COG2: variants seen among roughly 807,000 people sequenced by gnomAD.
COG2 encodes the protein component of oligomeric golgi complex 2, also known as conserved oligomeric Golgi complex subunit 2.
A neutral mutation model predicts 90.6 loss-of-function variants in COG2; 52 were observed. The ratio of observed to expected loss-of-function variants is 0.57; its 90% CI spans 0.46 to 0.72. The LOEUF is 0.72. Ranked by LOEUF, COG2 falls within the 30% of genes least tolerant of loss-of-function variation. COG2 has a pLI of 0.00. For synonymous variants in COG2, 337 were observed against 320.4 expected (o/e 1.05, Z -0.55); for missense variants, 829 against 891.2 (o/e 0.93, Z 0.89).
intron 10 of COG2, chr1:230,680,557 G>C (rs1245056190): frequency 2.0e-5 from 3 of 152,152 alleles, no homozygotes; most frequent in African/African-American, 7.2e-5. Context: ...GCTGGTAATT[G>C]GACCTTAAAC....
intron 15 of COG2, among the ~76,000 whole-genome samples, chr1:230,689,780 C>G (rs1362111785): frequency 1.3e-5 from 2 of 152,242 alleles, no homozygotes; most frequent in Non-Finnish European, 2.9e-5. Context: ...CAGCCAGCAC[C>G]TCAACCCAGT....
At chr1:230,644,091 T>A (rs1661696867) in intron 1 of COG2, among the ~76,000 whole-genome samples, 1 of 152,210 alleles carries the variant, frequency 6.6e-6, no homozygotes, top group Non-Finnish European at 1.5e-5. Flanking sequence ...CACTCTGAGT[T>A]GACAGAATGC....
rs376701328 is a variant in COG2, at chr1:230,642,570, G to A, written c.-37G>A. The A allele has an allele frequency of 1.1e-4, 171 of 1,598,174 alleles. No homozygotes were observed. Among genetic ancestry groups the A allele is most frequent in the Non-Finnish European group, 1.3e-4 (154 of 1,171,946 alleles). On this transcript the variant is annotated 5_prime_UTR_variant, in exon 1 of 18. Transcript: ENST00000366669. Reference sequence around the variant, plus strand: ...TCTGCGCAGCCTCCTGCGTTTTCTCGCTTGGATCTTGGCACTGAGAGGCGG... The same window carrying A: ...TCTGCGCAGCCTCCTGCGTTTTCTCACTTGGATCTTGGCACTGAGAGGCGG...
chr1:230,688,171 C>A (rs769416085), intron 14 of COG2, 28 bp downstream of exon 14: 9 of 1,449,750 alleles, frequency 6.2e-6, no homozygotes, highest in Non-Finnish European at 7.6e-6. Context: ...CTAAGCAAAT[C>A]TTTGAATAAG....
intron 1 of COG2, 160 bp downstream of exon 1, chr1:230,642,838 A>G (rs1029658972): frequency 3.0e-6 from 2 of 665,926 alleles, no homozygotes; most frequent in Admixed American, 3.2e-5. Flanking sequence ...TTTTGGCGTC[A>G]GGTTTGGCGG....
chr1:230,646,005 T>G (rs1661767207), intron 1 of COG2, among the ~76,000 whole-genome samples: 1 of 151,936 alleles, frequency 6.6e-6, no homozygotes, highest in Non-Finnish European at 1.5e-5. Context: ...GGGTCTTTCC[T>G]TCCTCCTGAG....
At position 230,677,088 on chromosome 1, in the gene COG2, T is replaced by C. The variant is rs180917637; in HGVS notation, c.1027-1825T>C. Among the ~76,000 whole-genome samples, 11 of 152,284 alleles carry C rather than the reference T, an allele frequency of 7.2e-5. No homozygotes were observed. In the East Asian group the frequency reaches 1.7e-3, roughly 24 times the overall value. On this transcript the variant is annotated intron_variant, in intron 9 of 17. Transcript: ENST00000366669. Reference sequence around the variant, plus strand: ...TATATATTATTTCTTCAATTGTGCTTTTCTTTCATTCCTCTATCATCTCCA... The same window carrying C: ...TATATATTATTTCTTCAATTGTGCTCTTCTTTCATTCCTCTATCATCTCCA...
chr1:230,690,155 T>A lies in COG2; in HGVS notation c.1934+2T>A. 6.2e-7 allele frequency: 1 copy of A among 1,611,042 alleles called. No homozygotes were observed. Among genetic ancestry groups the A allele is most frequent in the East Asian group, 2.2e-5 (1 of 44,830 alleles). ...CACTCTCAGTGAAAGCACTCATAAG[T>A]AAGTAAATTAAAAGCAGACCTTGTG... On this transcript the variant is annotated splice_donor_variant, in intron 16 of 17. Transcript: ENST00000366669. LOFTEE classifies it high-confidence loss of function.
At position 230,642,770 on chromosome 1, in the gene COG2, C is replaced by T. The variant is rs180900936; in HGVS notation, c.72+92C>T. 378 of 1,248,160 alleles carry T rather than the reference C, an allele frequency of 3.0e-4. 7 individuals are homozygous for T. The East Asian group carries it at 8.5e-3, about 28-fold the overall frequency. 77.3% of individuals were successfully genotyped at this position (1,248,160 alleles called of 1,614,324 possible). On this transcript the variant is annotated intron_variant, in intron 1 of 17. Transcript: ENST00000366669. ...GGTCTCTTCGGTCGGCTGCTCCTGC[C>T]TGCGCACGCTCAGTGTCAGGTCCTC...
intron 17 of COG2, among the ~76,000 whole-genome samples, chr1:230,692,679 C>A (rs936873648): frequency 6.6e-6 from 1 of 152,074 alleles, no homozygotes; most frequent in Non-Finnish European, 1.5e-5. Context: ...CCAGAACAAA[C>A]CACAAAATGC....
intron 15 of COG2, 113 bp from the exon 16 acceptor site, chr1:230,689,901 G>A: frequency 1.9e-6 from 2 of 1,068,770 alleles, no homozygotes; most frequent in Non-Finnish European, 2.6e-6. Flanking sequence ...AGTTGTCCGT[G>A]TCTCAAAACT....
intron 17 of COG2, 97 bp downstream of exon 17, chr1:230,691,661 C>T (rs905924296): frequency 1.3e-5 from 15 of 1,154,888 alleles, no homozygotes; most frequent in Middle Eastern, 3.0e-4. Context: ...GAGATGCTGT[C>T]GCAGTGGCTA....
At chr1:230,688,377 G>A in intron 14 of COG2, 43 bp from the exon 15 acceptor site, 1 of 1,608,388 alleles carries the variant, frequency 6.2e-7, no homozygotes, top group Non-Finnish European at 8.5e-7. Flanking sequence ...GTTCATGTCT[G>A]GGCCTGAGCA....
chr1:230,685,451 T>C (rs191734368), intron 12 of COG2, among the ~76,000 whole-genome samples: 180 of 152,318 alleles, frequency 1.2e-3, no homozygotes, highest in African/African-American at 4.2e-3. Context: ...CACAAACTTA[T>C]TTTGTTGAAA....
At chr1:230,689,985 A>T (rs922202450) in intron 15 of COG2, 29 bp from the exon 16 acceptor site, 3 of 1,537,668 alleles carry the variant, frequency 2.0e-6, no homozygotes, top group African/African-American at 1.4e-5. Flanking sequence ...TTTCCTGTGC[A>T]TCTTTATCTC....
At chr1:230,659,758 T>C (rs1662142526) in intron 2 of COG2, 133 bp downstream of exon 2, 1 of 816,684 alleles carries the variant, frequency 1.2e-6, no homozygotes, top group East Asian at 3.0e-5. Flanking sequence ...AGATCCCTAA[T>C]GTCATCAATA....
intron 5 of COG2, among the ~76,000 whole-genome samples, chr1:230,665,569 C>G (rs1193765897): frequency 2.6e-5 from 4 of 152,202 alleles, no homozygotes. Flanking sequence ...TGCTGTGTTT[C>G]TCTCATTTTA....
Position 230,642,697 on chromosome 1 carries a change from C to T in COG2, c.72+19C>T, listed in dbSNP as rs1413705014. 5.0e-6 allele frequency: 8 copies of T among 1,607,998 alleles called. 1 individual carries two copies. The highest frequency in any genetic ancestry group is 2.2e-5 in the South Asian group (2 of 89,676). ...CATGAAGGTGCGCGCGGCGTCCGCT[C>T]CCCGGAGCCGGGCCATGAGGGTGCC... On this transcript the variant is annotated intron_variant, in intron 1 of 17. Transcript: ENST00000366669.
At chr1:230,663,935 T>C (rs947689571) in intron 4 of COG2, among the ~76,000 whole-genome samples, 1 of 151,900 alleles carries the variant, frequency 6.6e-6, no homozygotes, top group Non-Finnish European at 1.5e-5. Context: ...ACCTGTAATC[T>C]CAGTAGTTTA....
Sources: gnomAD v4.1 joint callset for allele counts (sites outside exome capture counted in the v4.1 genomes callset) on GRCh38, gnomAD v4.1.1 for gene constraint, MANE v1.5 for transcripts, NCBI Gene and HGNC (gene_info 2026-07-23, HGNC 2026-07-21) for gene names.